The following LDLRAD4 variants were observed in gnomAD, a reference collection of about 807,000 sequenced individuals.
The protein encoded by LDLRAD4 is low density lipoprotein receptor class A domain containing 4, also known as low-density lipoprotein receptor class A domain-containing protein 4.
LDLRAD4 carries 5 observed loss-of-function variants against 17.0 expected under a neutral mutation model. That is an observed-to-expected ratio of 0.29 (90% confidence interval 0.15 to 0.62). The LOEUF (loss-of-function observed/expected upper bound fraction) is 0.62, where lower values mean the gene tolerates loss of function less well. Among genes scored for constraint, LDLRAD4 ranks in the 20% least tolerant of loss-of-function variants. LDLRAD4 has a pLI of 0.84. For missense variants in LDLRAD4, 340 were observed against 424.7 expected (o/e 0.80, Z 1.75); for synonymous variants, 168 against 171.8 (o/e 0.98, Z 0.17).
At chr18:13,638,622 C>T (rs1263202098) in intron 4 of LDLRAD4, among the ~76,000 whole-genome samples, 5 of 152,216 alleles carry the variant, frequency 3.3e-5, no homozygotes, top group Non-Finnish European at 7.3e-5. Flanking sequence ...AAGTCCTGCT[C>T]AGTGCGATGT....
intron 3 of LDLRAD4, among the ~76,000 whole-genome samples, chr18:13,567,490 G>A (rs1359255760): frequency 6.6e-6 from 1 of 152,136 alleles, no homozygotes; most frequent in East Asian, 1.9e-4. Flanking sequence ...CGCTTTTGCA[G>A]AAGACCCAGC....
chr18:13,313,505 G>A (rs746560751), intron 1 of LDLRAD4, among the ~76,000 whole-genome samples: 57 of 152,268 alleles, frequency 3.7e-4, no homozygotes, highest in Middle Eastern at 6.8e-3. Flanking sequence ...TATCTCTGGT[G>A]AACCCGGTTT....
intron 3 of LDLRAD4, among the ~76,000 whole-genome samples, chr18:13,599,558 A>T (rs7244853): frequency 0.9 from 133,868 of 148,366 alleles, 60,393 homozygotes; most frequent in East Asian, 1. Context: ...TGGCGTGATC[A>T]CGGCTCACTG....
At position 13,264,573 on chromosome 18, in the gene LDLRAD4, C is replaced by T. The variant is rs553535170; in HGVS notation, c.-466-13532C>T. Among the ~76,000 whole-genome samples, 17 of 152,302 alleles carry T rather than the reference C, an allele frequency of 1.1e-4. 1 individual carries two copies. In the South Asian group the frequency reaches 1.4e-3, roughly 13 times the overall value. On this transcript the variant is annotated intron_variant, in intron 1 of 5. Coordinates refer to the LDLRAD4 transcript ENST00000399848. ...GTGATGGCATTCTTGGCAGGGAAGC[C>T]GCTAGCCTGTTTTTCGGAGTAGATG...
At chr18:13,224,503 G>T (rs187651883) in intron 1 of LDLRAD4, among the ~76,000 whole-genome samples, 1 of 100,890 alleles carries the variant, frequency 9.9e-6, no homozygotes, top group Non-Finnish European at 1.8e-5. Context: ...TTTTTGAGAC[G>T]GAGTCTCGCT....
intron 1 of LDLRAD4, among the ~76,000 whole-genome samples, chr18:13,303,389 G>A (rs951618775): frequency 1.3e-5 from 2 of 152,106 alleles, no homozygotes; most frequent in Non-Finnish European, 2.9e-5. Flanking sequence ...AGGACTACAG[G>A]TGCATGCCAC....
At chr18:13,549,240 C>A (rs1279069755) in intron 3 of LDLRAD4, among the ~76,000 whole-genome samples, 1 of 152,228 alleles carries the variant, frequency 6.6e-6, no homozygotes, top group Non-Finnish European at 1.5e-5. Context: ...AAGCTCCCTG[C>A]TGGCAGTTTA....
chr18:13,419,408 T>G (rs2089240850), intron 2 of LDLRAD4: 1 of 152,224 alleles, frequency 6.6e-6, no homozygotes, highest in African/African-American at 2.4e-5. Context: ...GATTTTTATT[T>G]TTTTTATTTT....
At chr18:13,556,847 T>A (rs1214816837) in intron 3 of LDLRAD4, among the ~76,000 whole-genome samples, 6 of 152,158 alleles carry the variant, frequency 3.9e-5, no homozygotes, top group African/African-American at 1.4e-4. Context: ...TGTATTAGGT[T>A]TCCTCACTGT....
At chr18:13,229,567 G>T (rs1480503236) in intron 1 of LDLRAD4, among the ~76,000 whole-genome samples, 1 of 152,160 alleles carries the variant, frequency 6.6e-6, no homozygotes, top group Non-Finnish European at 1.5e-5. Context: ...TAGAATATGT[G>T]TGGTGGAAGC....
At chr18:13,592,174 G>A (rs991421683) in intron 3 of LDLRAD4, among the ~76,000 whole-genome samples, 12 of 152,360 alleles carry the variant, frequency 7.9e-5, no homozygotes, top group Middle Eastern at 3.4e-3. Flanking sequence ...AGGAAGGAAT[G>A]ATATATTTGA....
At chr18:13,276,670 GA>G (rs1422168064), upstream of LDLRAD4, among the ~76,000 whole-genome samples, 6 of 152,248 alleles carry the variant, frequency 3.9e-5, no homozygotes, top group Non-Finnish European at 5.9e-5. Flanking sequence ...GCCCCATCAT[GA>G]GGTGGCAGCT....
rs374731826 is a variant in LDLRAD4, at chr18:13,473,678, T to TATACATATATATAA, written c.181+35295_181+35296insTACATATATATAAA. On this transcript the variant is annotated intron_variant, in intron 3 of 5. Transcript: ENST00000359446. ...ATATATATATATATATATATATATA[T>TATACATATATATAA]AACGTTTACATTTTATATATATTTA... Among the ~76,000 whole-genome samples, 4 of 79,952 alleles carry TATACATATATATAA rather than the reference T, an allele frequency of 5.0e-5. No homozygotes were observed. In the South Asian group the frequency reaches 1.7e-3, roughly 34 times the overall value. The allele number at this position is 79,952 out of a possible 152,430, so 52.5% of individuals were successfully genotyped here. A position where few individuals can be genotyped will look rare whatever the true frequency, so the allele number is the denominator to read the frequency against.
At chr18:13,374,738 T>C (rs12456449) in intron 1 of LDLRAD4, among the ~76,000 whole-genome samples, 9,733 of 152,238 alleles carry the variant, frequency 0.064, 904 homozygotes, top group African/African-American at 0.21. Context: ...TGGTCATCCC[T>C]GTTGGCTGAG....
chr18:13,282,903 G>A (rs1451007933), intron 1 of LDLRAD4, among the ~76,000 whole-genome samples: 1 of 152,222 alleles, frequency 6.6e-6, no homozygotes, highest in Non-Finnish European at 1.5e-5. Context: ...CTGAAATCTA[G>A]GCGGAGGTTC....
At chr18:13,307,266 C>A (rs891072725) in intron 1 of LDLRAD4, among the ~76,000 whole-genome samples, 1 of 152,132 alleles carries the variant, frequency 6.6e-6, no homozygotes. Context: ...GTCTCTGCCC[C>A]GCCTGAGACA....
intron 3 of LDLRAD4, chr18:13,612,355 G>T: frequency 8.8e-7 from 1 of 1,130,498 alleles, no homozygotes; most frequent in Non-Finnish European, 1.1e-6. Flanking sequence ...TCTCAGGATC[G>T]GAGACCCCGG....
At chr18:13,404,657 G>C (rs959653876) in intron 2 of LDLRAD4, among the ~76,000 whole-genome samples, 1 of 152,046 alleles carries the variant, frequency 6.6e-6, no homozygotes, top group Non-Finnish European at 1.5e-5. Flanking sequence ...AATTAGCCGG[G>C]TGTAGTGGTG....
chr18:13,341,675 T>A (rs1185161985), intron 1 of LDLRAD4, among the ~76,000 whole-genome samples: 1 of 152,182 alleles, frequency 6.6e-6, no homozygotes, highest in Non-Finnish European at 1.5e-5. Context: ...TCATGACATC[T>A]GTGAACAGAG....
Sources: gnomAD v4.1 joint callset for allele counts (sites outside exome capture counted in the v4.1 genomes callset) on GRCh38, gnomAD v4.1.1 for gene constraint, MANE v1.5 for transcripts, NCBI Gene and HGNC (gene_info 2026-07-23, HGNC 2026-07-21) for gene names.